Variants in ANTXR1 observed in about 807,000 individuals in gnomAD.
ANTXR1 encodes ANTXR cell adhesion molecule 1, also known as anthrax toxin receptor 1.
ANTXR1 carries 19 observed loss-of-function variants against 78.1 expected under a neutral mutation model. That is an observed-to-expected ratio of 0.24 (90% confidence interval 0.17 to 0.36). ANTXR1 has a LOEUF of 0.36. Ranked by LOEUF, ANTXR1 falls within the 10% of genes least tolerant of loss-of-function variation. ANTXR1 has a pLI of 1.00. For missense variants in ANTXR1, 518 were observed against 718.6 expected, an observed-to-expected ratio of 0.72 and a Z score of 3.19; for synonymous variants, 273 against 260.5, an observed-to-expected ratio of 1.05 and a Z score of -0.46.
chr2:69,193,900 G>T (rs915308050), intron 17 of ANTXR1, among the ~76,000 whole-genome samples: 18 of 152,198 alleles, frequency 1.2e-4, no homozygotes, highest in African/African-American at 4.3e-4. Context: ...TTCCCAGCAG[G>T]TGTGGGGCCC....
intron 1 of ANTXR1, among the ~76,000 whole-genome samples, chr2:69,032,246 C>A (rs937123360): frequency 6.6e-6 from 1 of 152,118 alleles, no homozygotes; most frequent in Non-Finnish European, 1.5e-5. Flanking sequence ...CCTGTAAATA[C>A]ACAAAGTGAA....
chr2:69,022,212 C>A (rs993869739), intron 1 of ANTXR1, among the ~76,000 whole-genome samples: 3 of 152,204 alleles, frequency 2.0e-5, no homozygotes, highest in African/African-American at 7.2e-5. Flanking sequence ...ACTGCAGGGG[C>A]TGATTCTGAG....
intron 13 of ANTXR1, among the ~76,000 whole-genome samples, chr2:69,153,286 G>A (rs888822297): frequency 6.6e-6 from 1 of 152,172 alleles, no homozygotes. Context: ...TCACATCTGT[G>A]TGTACAGCTC....
At chr2:69,057,595 T>C (rs1253765629) in intron 3 of ANTXR1, among the ~76,000 whole-genome samples, 1 of 152,186 alleles carries the variant, frequency 6.6e-6, no homozygotes, top group Non-Finnish European at 1.5e-5. Flanking sequence ...TACTGCTCCA[T>C]CAACCAGCTC....
At chr2:69,070,536 T>C (rs1176977606) in intron 3 of ANTXR1, 111 bp from the exon 4 acceptor site, 1 of 972,760 alleles carries the variant, frequency 1.0e-6, no homozygotes, top group East Asian at 2.4e-5. Flanking sequence ...GGGGAATTAC[T>C]GGGACTAGAC....
intron 12 of ANTXR1, chr2:69,146,039 T>A (rs1673217584): frequency 4.1e-6 from 4 of 985,320 alleles, no homozygotes; most frequent in Non-Finnish European, 4.8e-6. Flanking sequence ...ATGCAGGGAT[T>A]TGGCCATTCA....
At chr2:69,029,050 C>CA (rs931755243) in intron 1 of ANTXR1, among the ~76,000 whole-genome samples, 2 of 150,172 alleles carry the variant, frequency 1.3e-5, no homozygotes, top group African/African-American at 2.5e-5. Context: ...GACCCCCCCC[C>CA]CTCCATCTCT....
chr2:69,046,185 G>A (rs911120405), intron 3 of ANTXR1, among the ~76,000 whole-genome samples: 2 of 152,134 alleles, frequency 1.3e-5, no homozygotes, highest in Non-Finnish European at 2.9e-5. Context: ...ACAACCCGAG[G>A]CTTCCTAGTG....
Position 69,013,868 on chromosome 2 carries a change from G to T in ANTXR1, c.152+217G>T, listed in dbSNP as rs753430020. Among the ~76,000 whole-genome samples, 15 of 152,230 alleles carry T rather than the reference G, an allele frequency of 9.9e-5. No homozygotes were observed. The highest frequency in any genetic ancestry group is 2.1e-4 in the Non-Finnish European group (14 of 68,044). On this transcript the variant is annotated intron_variant, in intron 1 of 17. Coordinates refer to ENST00000303714, the MANE Select transcript of ANTXR1 (RefSeq NM_032208.3). This position sits in a 1 kb window ranked among gnomAD's most constrained non-coding sequence, Gnocchi z 5.0. ...GCCCGCAGCCGAGGCGACGCCGCTT[G>T]CTCGGAAGGGGACAGACTTCTTTTC... is the stretch of plus-strand genomic sequence containing the variant.
chr2:69,162,628 G>A (rs1558612330), intron 13 of ANTXR1, among the ~76,000 whole-genome samples: 1 of 152,044 alleles, frequency 6.6e-6, no homozygotes, highest in Non-Finnish European at 1.5e-5. Flanking sequence ...TATTACTTGG[G>A]CCCTTGGGAT....
At chr2:69,169,480 A>AGG (rs1047321320) in intron 13 of ANTXR1, among the ~76,000 whole-genome samples, 2 of 152,182 alleles carry the variant, frequency 1.3e-5, no homozygotes, top group Non-Finnish European at 2.9e-5. Context: ...GTCAAGAGGG[A>AGG]GGAGGGACTG....
chr2:69,190,968 C>T (rs1187405970), intron 16 of ANTXR1, among the ~76,000 whole-genome samples: 1 of 152,130 alleles, frequency 6.6e-6, no homozygotes, highest in African/African-American at 2.4e-5. Flanking sequence ...ATTTACAAAC[C>T]CAAATGCTGG....
At chr2:69,235,571 G>C (rs1378809767) in intron 17 of ANTXR1, among the ~76,000 whole-genome samples, 2 of 144,896 alleles carry the variant, frequency 1.4e-5, no homozygotes, top group African/African-American at 5.1e-5. Context: ...AGGATCACTT[G>C]AACCCAGGAG....
intron 1 of ANTXR1, among the ~76,000 whole-genome samples, chr2:69,029,049 C>T (rs951132716): frequency 8.1e-5 from 12 of 147,778 alleles, no homozygotes; most frequent in Admixed American, 5.5e-4. Context: ...AGACCCCCCC[C>T]CCTCCATCTC....
At position 69,039,682 on chromosome 2, in the gene ANTXR1, T is replaced by C. The variant is rs1573798789; in HGVS notation, c.153-362T>C. The stretch of plus-strand genomic sequence containing the variant: ...TTAAATGGATTAGAACAGTTTTTCT[T>C]CCCTAATCAGAGAAATAATTTAATA... On this transcript the variant is annotated intron_variant, in intron 1 of 17. Transcript: ENST00000303714. Among the ~76,000 whole-genome samples, 2 of 152,308 alleles carry C rather than the reference T, an allele frequency of 1.3e-5. 1 individual carries two copies. Among genetic ancestry groups the C allele is most frequent in the Middle Eastern group, 6.8e-3 (2 of 294 alleles).
intron 1 of ANTXR1, among the ~76,000 whole-genome samples, chr2:69,022,654 G>A (rs899532601): frequency 1.3e-5 from 2 of 152,214 alleles, no homozygotes; most frequent in East Asian, 1.9e-4. Context: ...TGAGGCAGAC[G>A]TGTATTTTGG....
intron 8 of ANTXR1, among the ~76,000 whole-genome samples, chr2:69,079,514 A>G (rs1670836966): frequency 1.3e-5 from 2 of 151,996 alleles, no homozygotes; most frequent in Admixed American, 6.6e-5. Flanking sequence ...CTCAGGGGTC[A>G]ATAATAATAA....
intron 17 of ANTXR1, among the ~76,000 whole-genome samples, chr2:69,243,022 G>T (rs1035063172): frequency 1.2e-4 from 18 of 152,180 alleles, no homozygotes; most frequent in African/African-American, 4.3e-4. Flanking sequence ...AGCCTCCCCG[G>T]CTTAGCACCT....
At chr2:69,212,560 A>G (rs1471192503) in intron 17 of ANTXR1, among the ~76,000 whole-genome samples, 2 of 152,206 alleles carry the variant, frequency 1.3e-5, no homozygotes, top group African/African-American at 4.8e-5. Flanking sequence ...ATGATAAAAT[A>G]GATACATATT....
Sources: allele counts gnomAD v4.1 joint callset (sites outside exome capture counted in the v4.1 genomes callset), GRCh38; gene constraint gnomAD v4.1.1; non-coding constraint Gnocchi (gnomAD v3.1); transcripts MANE v1.5; gene names NCBI Gene and HGNC (gene_info 2026-07-23, HGNC 2026-07-21).